CPS1: variants seen among roughly 807,000 people sequenced by gnomAD.
CPS1 encodes carbamoyl-phosphate synthase [ammonia], mitochondrial.
A neutral mutation model predicts 174.6 loss-of-function variants in CPS1; 109 were observed. The ratio of observed to expected loss-of-function variants is 0.62; its 90% CI spans 0.53 to 0.73. The LOEUF (loss-of-function observed/expected upper bound fraction) is 0.73. Ranked by LOEUF, CPS1 falls within the 30% of genes least tolerant of loss-of-function variation. CPS1 has a pLI of 0.00. For synonymous variants in CPS1, 637 were observed against 632.0 expected (o/e 1.01, Z -0.12); for missense variants, 1,689 against 1,821.9 (o/e 0.93, Z 1.33).
At chr2:210,549,851 C>T (rs1161292686) in intron 1 of CPS1, among the ~76,000 whole-genome samples, 1 of 152,004 alleles carries the variant, frequency 6.6e-6, no homozygotes, top group Non-Finnish European at 1.5e-5. Flanking sequence ...AGAAACTACT[C>T]AGTACATAAT....
Position 210,637,728 on chromosome 2 carries a change from A to G in CPS1, c.2714A>G (p.Lys905Arg), listed in dbSNP as rs1444716902. The G allele has an allele frequency of 6.2e-7, 1 of 1,614,054 alleles. No homozygotes were observed. Reference sequence around the variant, plus strand: ...GAGTCCATGACAGAAGAAACCCTGAAAAGGGCAAAGGAGATTGGGTTCTCA... The same window carrying G: ...GAGTCCATGACAGAAGAAACCCTGAGAAGGGCAAAGGAGATTGGGTTCTCA... Reference protein sequence around the residue: ...NSESMTEETLKRAKEIGFSDK... With the variant: ...NSESMTEETLRRAKEIGFSDK... Residue 905 changes from lysine (K) to arginine (R), a missense_variant, in exon 22 of 38, where the codon AAA becomes AGA. Physicochemically the swap from Lys to Arg is conservative, Grantham distance 26 (BLOSUM62 2). Coordinates refer to ENST00000233072, the MANE Select transcript of CPS1 (RefSeq NM_001875.5).
chr2:210,594,562 A>G lies in CPS1; in HGVS notation c.1219A>G (p.Thr407Ala), dbSNP rs1018068395. The G allele has an allele frequency of 6.2e-7, 1 of 1,611,428 alleles. No homozygotes were observed. Among genetic ancestry groups the G allele is most frequent in the Non-Finnish European group, 8.5e-7 (1 of 1,178,340 alleles). Residue 407 changes from threonine to alanine, a missense_variant, in exon 12 of 38, where the codon ACA becomes GCA. Transcript: ENST00000233072. ...AAAGAAAGGAAAAGCTACCACCATTACATCAGTCTTACCGAAGCCAGCACT... is the reference window on the plus strand; with the variant it reads ...AAAGAAAGGAAAAGCTACCACCATTGCATCAGTCTTACCGAAGCCAGCACT... ...LIKKGKATTITSVLPKPALVA... is the reference protein window; with the variant it reads ...LIKKGKATTIASVLPKPALVA...
At chr2:210,507,199 C>A (rs967275753) in intron 1 of CPS1, among the ~76,000 whole-genome samples, 2 of 152,190 alleles carry the variant, frequency 1.3e-5, no homozygotes, top group Non-Finnish European at 2.9e-5. Context: ...CTCTAGAAGG[C>A]AGAAGAGAGT....
intron 1 of CPS1, among the ~76,000 whole-genome samples, chr2:210,560,488 C>T (rs1259100351): frequency 6.6e-6 from 1 of 152,084 alleles, no homozygotes; most frequent in Non-Finnish European, 1.5e-5. Flanking sequence ...ATAAGTACTC[C>T]TTCTAACATT....
At chr2:210,511,046 A>G (rs965977705) in intron 1 of CPS1, among the ~76,000 whole-genome samples, 7 of 150,904 alleles carry the variant, frequency 4.6e-5, no homozygotes, top group Non-Finnish European at 8.9e-5. Flanking sequence ...TATCCAAAGG[A>G]CTATAAATCA....
intron 15 of CPS1, among the ~76,000 whole-genome samples, chr2:210,601,292 C>T (rs1359473712): frequency 1.3e-5 from 2 of 151,876 alleles, no homozygotes; most frequent in African/African-American, 4.8e-5. Context: ...TCTGTTTTTG[C>T]CCCTGACTTT....
chr2:210,648,456 T>C lies in CPS1; in HGVS notation c.3337-17T>C, dbSNP rs1212045643. On this transcript the variant is annotated splice_polypyrimidine_tract_variant and intron_variant, in intron 26 of 37. Transcript: ENST00000233072. ...TTAAACTACTCATACATTTTTATTG[T>C]TGTTTCTATTAATTAGAATGAAGCA... 6.2e-7 allele frequency: 1 copy of C among 1,602,182 alleles called. No homozygotes were observed. Among genetic ancestry groups the C allele is most frequent in the Non-Finnish European group, 8.5e-7 (1 of 1,169,732 alleles).
At chr2:210,488,657 A>G (rs868584536) in intron 1 of CPS1, among the ~76,000 whole-genome samples, 1 of 152,252 alleles carries the variant, frequency 6.6e-6, no homozygotes, top group Non-Finnish European at 1.5e-5. Flanking sequence ...CAATGGATTT[A>G]TCAGTGACTG....
chr2:210,557,518 C>T (rs1292771333), intron 1 of CPS1, among the ~76,000 whole-genome samples: 2 of 151,972 alleles, frequency 1.3e-5, no homozygotes, highest in Non-Finnish European at 2.9e-5. Flanking sequence ...AGGAAAGAAA[C>T]ATTAATTGCC....
chr2:210,577,114 C>G (rs1334349946), intron 3 of CPS1: 3 of 367,484 alleles, frequency 8.2e-6, no homozygotes, highest in Non-Finnish European at 1.5e-5. Flanking sequence ...TTTTGTTCAT[C>G]ATGTGCATTA....
chr2:210,642,750 G>C, intron 25 of CPS1, 85 bp downstream of exon 25: 3 of 1,191,852 alleles, frequency 2.5e-6, no homozygotes, highest in Non-Finnish European at 3.6e-6. Flanking sequence ...CTGGTATATA[G>C]ATGTATATAG....
chr2:210,589,309 G>C (rs1266050451), intron 7 of CPS1, among the ~76,000 whole-genome samples: 3 of 151,988 alleles, frequency 2.0e-5, no homozygotes, highest in African/African-American at 7.2e-5. Flanking sequence ...CTTGTTTCAG[G>C]AAATGCTTCA....
At chr2:210,483,183 C>T (rs566999628) in intron 1 of CPS1, among the ~76,000 whole-genome samples, 8 of 151,228 alleles carry the variant, frequency 5.3e-5, no homozygotes, top group Non-Finnish European at 1.0e-4. Context: ...CTGAGGGTAC[C>T]AGGAGGCATG....
At chr2:210,514,860 A>G (rs1358775451) in intron 1 of CPS1, among the ~76,000 whole-genome samples, 3 of 145,410 alleles carry the variant, frequency 2.1e-5, no homozygotes, top group Admixed American at 1.4e-4. Flanking sequence ...ATTTTCAGGT[A>G]CATTGCTTCA....
chr2:210,619,613 A>C (rs941719651), intron 21 of CPS1: 3 of 152,084 alleles, frequency 2.0e-5, no homozygotes, highest in African/African-American at 7.2e-5. Flanking sequence ...ATGATGCATC[A>C]CTTATTTTAA....
At position 210,675,843 on chromosome 2, in the gene CPS1, A is replaced by G. The variant is rs375335197; in HGVS notation, c.4274+3A>G. The G allele has an allele frequency of 1.2e-5, 15 of 1,272,828 alleles. No homozygotes were observed. Among genetic ancestry groups the G allele is most frequent in the Non-Finnish European group, 4.6e-6 (4 of 868,420 alleles). The allele number at this position is 1,272,828 out of a possible 1,614,324, so 78.8% of individuals were successfully genotyped here. A position where few individuals can be genotyped will look rare whatever the true frequency, so the allele number is the denominator to read the frequency against. On this transcript the variant is annotated splice_donor_region_variant and intron_variant, in intron 36 of 37. Coordinates refer to ENST00000233072, the MANE Select transcript of CPS1 (RefSeq NM_001875.5). ...CCCAGCCTCTCTTCCATCAGAAAGT[A>G]AGAACTAGGCATACTGTTTTCTGAA...
chr2:210,481,420 C>T (rs1184526521), intron 1 of CPS1, among the ~76,000 whole-genome samples: 1 of 152,188 alleles, frequency 6.6e-6, no homozygotes, highest in Admixed American at 6.5e-5. Context: ...GGGGTCTTCT[C>T]AGGACGCTGA....
chr2:210,639,264 C>A, intron 23 of CPS1, 49 bp downstream of exon 23: 2 of 1,333,358 alleles, frequency 1.5e-6, no homozygotes, highest in Non-Finnish European at 2.2e-6. Flanking sequence ...ATTTCATAGA[C>A]AGTTCACATT....
intron 33 of CPS1, among the ~76,000 whole-genome samples, chr2:210,666,975 C>A (rs1490697814): frequency 6.6e-6 from 1 of 152,146 alleles, no homozygotes; most frequent in Non-Finnish European, 1.5e-5. Flanking sequence ...AATGTTCTTC[C>A]ATTTGCTTGT....
Sources: allele counts gnomAD v4.1 joint callset (sites outside exome capture counted in the v4.1 genomes callset), GRCh38; gene constraint gnomAD v4.1.1; transcripts MANE v1.5; gene names NCBI Gene and HGNC (gene_info 2026-07-23, HGNC 2026-07-21).